HEG1: variants seen among roughly 807,000 people sequenced by gnomAD.
HEG1 encodes heart development protein with EGF like domains 1.
In HEG1, 56 loss-of-function variants were observed where a neutral mutation model predicts 125.6. The ratio of observed to expected loss-of-function variants is 0.45; its 90% CI spans 0.36 to 0.56. The LOEUF is 0.56. Ranked by LOEUF, HEG1 falls within the 20% of genes least tolerant of loss-of-function variation. The probability of loss-of-function intolerance (pLI) is 0.00; values close to 1 mark genes in which losing one functional copy is unlikely to be tolerated. For missense variants in HEG1, 1,523 were observed against 1,670.0 expected, an observed-to-expected ratio of 0.91 and a Z score of 1.53; for synonymous variants, 644 against 668.5, an observed-to-expected ratio of 0.96 and a Z score of 0.57.
Position 125,001,987 on chromosome 3 carries a change from G to A in HEG1, c.3382C>T (p.Leu1128=). ...GAGGCCAGGGAAAAGGTTGTTTGCA[G>A]TGAGATCACCACCGCGTTGGACTCC... is the stretch of plus-strand genomic sequence containing the variant. The part of the protein sequence containing the change: ...SRESNAVVIS[L]QTTFSLASNV... Residue 1128 remains leucine (L), a synonymous_variant, in exon 11 of 17, where the codon CTG becomes TTG. Transcript: ENST00000311127. 4 of 1,614,032 alleles carry A rather than the reference G, an allele frequency of 2.5e-6. No individual in the cohort carries two copies. Among genetic ancestry groups the A allele is most frequent in the Non-Finnish European group, 3.4e-6 (4 of 1,179,892 alleles).
At position 125,002,272 on chromosome 3, in the gene HEG1, G is replaced by T. The variant is rs1480002631; in HGVS notation, c.3341C>A (p.Thr1114Lys). The change falls in exon 10 of 17, where the codon ACA becomes AAA. Residue 1114 changes from threonine to lysine, a missense_variant. Coordinates refer to ENST00000311127, the MANE Select transcript of HEG1 (RefSeq NM_020733.2). Reference protein sequence around the residue: ...FSALPSYIRSTVHASRESNAV... With the variant: ...FSALPSYIRSKVHASRESNAV... ...TGTTACTTACCTAGAGGCGTGAACTGTAGATCGGATGTAACTAGGTAACGC... is the reference window on the plus strand; with the variant it reads ...TGTTACTTACCTAGAGGCGTGAACTTTAGATCGGATGTAACTAGGTAACGC... 1 of 1,613,440 alleles carries T rather than the reference G, an allele frequency of 6.2e-7. No individual in the cohort carries two copies. The highest frequency in any genetic ancestry group is 8.5e-7 in the Non-Finnish European group (1 of 1,179,500).
At chr3:125,014,167 C>T (rs981991026) in intron 5 of HEG1, among the ~76,000 whole-genome samples, 177 bp from the exon 6 acceptor site, 1 of 152,090 alleles carries the variant, frequency 6.6e-6, no homozygotes, top group African/African-American at 2.4e-5. Flanking sequence ...TGTGGGCAGG[C>T]AGGAGTGGTC....
At chr3:124,997,574 C>T in intron 12 of HEG1, 115 bp downstream of exon 12, 2 of 970,202 alleles carry the variant, frequency 2.1e-6, no homozygotes, top group African/African-American at 3.3e-5. Context: ...ACCAGTTACC[C>T]TCAGTTTAGA....
In HEG1 at chr3:124,973,560, A is replaced by G. The variant is rs527693047; in HGVS notation, c.3996+171T>C. ...CCTTCATACCTCAATAGCAACACTG[A>G]TAAGTACCATGCAAATAGACTGTAG... On this transcript the variant is annotated intron_variant, in intron 16 of 16. Transcript: ENST00000311127. 4.6e-5 allele frequency among the ~76,000 whole-genome samples: 7 copies of G among 152,352 alleles called. No individual in the cohort carries two copies. The South Asian group carries it at 8.3e-4, about 18-fold the overall frequency.
intron 9 of HEG1, 23 bp from the exon 10 acceptor site, chr3:125,002,338 C>G (rs374027689): frequency 1.2e-6 from 2 of 1,603,884 alleles, no homozygotes; most frequent in African/African-American, 2.7e-5. Context: ...ACAAGCCTGT[C>G]GTTAACAGTG....
chr3:125,029,111 ATG>A (rs1937457765), intron 2 of HEG1, 82 bp downstream of exon 2: 2 of 1,436,776 alleles, frequency 1.4e-6, no homozygotes, highest in Non-Finnish European at 1.9e-6. Flanking sequence ...ATGGCTCAGA[ATG>A]GGGTTGTGGG....
chr3:124,998,167 TCTTCCAAAGGA>T (rs2107694679), intron 11 of HEG1, among the ~76,000 whole-genome samples: 1 of 152,274 alleles, frequency 6.6e-6, no homozygotes, highest in African/African-American at 2.4e-5. Flanking sequence ...TGGCCCCGTG[TCTTCCAAAGGA>T]CTGCGGAGGA....
chr3:125,024,239 A>G (rs1354129254), intron 3 of HEG1, among the ~76,000 whole-genome samples: 1 of 152,230 alleles, frequency 6.6e-6, no homozygotes, highest in East Asian at 1.9e-4. Context: ...CATTTCTTAT[A>G]TAAACAGTCC....
chr3:124,987,582 G>A (rs1000546217), intron 14 of HEG1, among the ~76,000 whole-genome samples: 1 of 149,432 alleles, frequency 6.7e-6, no homozygotes, highest in African/African-American at 2.5e-5. Context: ...GAGTGCAATG[G>A]CGCTATCCCG....
chr3:125,032,774 G>A (rs958261689), intron 1 of HEG1, among the ~76,000 whole-genome samples: 2 of 152,356 alleles, frequency 1.3e-5, no homozygotes, highest in South Asian at 2.1e-4. Flanking sequence ...ATGCCCCAAA[G>A]CTGGCCAGCT....
chr3:125,034,968 G>T (rs113159961), intron 1 of HEG1, among the ~76,000 whole-genome samples: 42 of 152,142 alleles, frequency 2.8e-4, no homozygotes, highest in African/African-American at 9.6e-4. Flanking sequence ...TGAAAACATT[G>T]ATTTAATTTT....
chr3:124,971,138 A>C (rs1422717468), intron 16 of HEG1: 1 of 485,904 alleles, frequency 2.1e-6, no homozygotes, highest in Admixed American at 2.3e-5. Context: ...TGGATCTCAA[A>C]AAAAGGCTCC....
At chr3:125,004,971 C>CTGG (rs1937052038) in intron 9 of HEG1, among the ~76,000 whole-genome samples, 1 of 152,224 alleles carries the variant, frequency 6.6e-6, no homozygotes, top group South Asian at 2.1e-4. Flanking sequence ...ACAGCTCCTG[C>CTGG]TGATGCCTGT....
chr3:124,994,170 C>T (rs1331300757), intron 12 of HEG1, among the ~76,000 whole-genome samples: 1 of 152,194 alleles, frequency 6.6e-6, no homozygotes, highest in Non-Finnish European at 1.5e-5. Context: ...CTCCTAAGGA[C>T]CACGTAACCT....
At chr3:125,039,014 C>A (rs950597219) in intron 1 of HEG1, among the ~76,000 whole-genome samples, 3 of 152,206 alleles carry the variant, frequency 2.0e-5, no homozygotes, top group Non-Finnish European at 2.9e-5. Flanking sequence ...TTCACACCAA[C>A]CCTCCTCATA....
rs1405395446 is a variant in HEG1 at position 125,013,684 on chromosome 3, T to C, written c.1895A>G (p.Asn632Ser). The change falls in exon 6 of 17, where the codon AAC becomes AGC. Residue 632 changes from asparagine to serine, a missense_variant. Transcript: ENST00000311127. The part of the protein sequence containing the change: ...STESPVLHTS[N>S]LPSYTPTINM... The stretch of plus-strand genomic sequence containing the variant: ...AATGGTGGGTGTGTAGGACGGAAGG[T>C]TGGATGTATGCAGAACTGGCGACTC... 1 of 1,613,544 alleles carries C rather than the reference T, an allele frequency of 6.2e-7. No individual in the cohort carries two copies. Among genetic ancestry groups the C allele is most frequent in the South Asian group, 1.1e-5 (1 of 91,026 alleles).
chr3:125,029,440 T>C lies in HEG1; in HGVS notation c.365A>G (p.Glu122Gly), dbSNP rs770324924. ...WPESNTEAHV[E>G]NITFYQNQED... ...TTGATTCTGATAGAAGGTGATGTTT[T>C]CTACATGGGCCTCAGTGTTACTTTC... Residue 122 changes from glutamate (E) to glycine (G), a missense_variant, in exon 2 of 17, where the codon GAA becomes GGA. Physicochemically the swap from Glu to Gly is moderately conservative, Grantham distance 98 (BLOSUM62 -2). Coordinates refer to ENST00000311127, the MANE Select transcript of HEG1 (RefSeq NM_020733.2). The C allele has an allele frequency of 1.2e-6, 2 of 1,603,608 alleles. No individual in the cohort carries two copies.
At chr3:125,041,442 G>A (rs1290476240) in intron 1 of HEG1, among the ~76,000 whole-genome samples, 1 of 152,190 alleles carries the variant, frequency 6.6e-6, no homozygotes, top group Non-Finnish European at 1.5e-5. Flanking sequence ...CAAAAAGGAA[G>A]AATGGAAAAG....
chr3:125,025,044 G>A (rs1014074002), intron 3 of HEG1, among the ~76,000 whole-genome samples: 5 of 152,208 alleles, frequency 3.3e-5, no homozygotes, highest in Admixed American at 6.5e-5. Context: ...AGGCTGAGCC[G>A]ACTCCAGGTC....
Sources: allele counts gnomAD v4.1 joint callset (sites outside exome capture counted in the v4.1 genomes callset), GRCh38; gene constraint gnomAD v4.1.1; transcripts MANE v1.5; gene names NCBI Gene and HGNC (gene_info 2026-07-23, HGNC 2026-07-21).